Variants in TRPC4AP observed in about 807,000 individuals in gnomAD.
The protein encoded by TRPC4AP is short transient receptor potential channel 4-associated protein.
Under a neutral mutation model 99.0 loss-of-function variants are expected in TRPC4AP, and 45 were observed. The observed-to-expected ratio is 0.45, with a 90% confidence interval of 0.36 to 0.58. TRPC4AP has a LOEUF of 0.58. Ranked by LOEUF, TRPC4AP falls within the 20% of genes least tolerant of loss-of-function variation. The pLI is 0.00. For missense variants in TRPC4AP, 879 were observed against 985.3 expected (o/e 0.89, Z 1.44); for synonymous variants, 408 against 385.8 (o/e 1.06, Z -0.67).
At chr20:35,039,777 T>C (rs2083406416) in intron 7 of TRPC4AP, among the ~76,000 whole-genome samples, 1 of 152,078 alleles carries the variant, frequency 6.6e-6, no homozygotes, top group Non-Finnish European at 1.5e-5. Flanking sequence ...AACCAGCTGT[T>C]CTCTTCTAAA....
chr20:35,043,956 A>T (rs2083499013), intron 7 of TRPC4AP, among the ~76,000 whole-genome samples: 1 of 152,218 alleles, frequency 6.6e-6, no homozygotes, highest in Non-Finnish European at 1.5e-5. Flanking sequence ...AATTCTGATA[A>T]AAAGTAGTTC....
At chr20:35,004,340 G>A (rs1301675322) in intron 17 of TRPC4AP, 118 bp downstream of exon 17, 4 of 825,468 alleles carry the variant, frequency 4.8e-6, no homozygotes, top group Admixed American at 4.2e-5. Flanking sequence ...GTCCTCAGAA[G>A]AGCTGGGTCT....
At chr20:35,024,628 A>T (rs894315840) in intron 8 of TRPC4AP, among the ~76,000 whole-genome samples, 1 of 152,046 alleles carries the variant, frequency 6.6e-6, no homozygotes, top group African/African-American at 2.4e-5. Context: ...GTTTGAGACC[A>T]GCTTGGGCAA....
intron 12 of TRPC4AP, 21 bp from the exon 13 acceptor site, chr20:35,008,768 TG>T (rs1237240327): frequency 6.2e-7 from 1 of 1,609,446 alleles, no homozygotes; most frequent in Non-Finnish European, 8.5e-7. Context: ...AGAGAGATAT[TG>T]GTGACAGATC....
At chr20:35,028,766 G>C (rs970400646) in intron 8 of TRPC4AP, among the ~76,000 whole-genome samples, 1 of 152,154 alleles carries the variant, frequency 6.6e-6, no homozygotes, top group Non-Finnish European at 1.5e-5. Flanking sequence ...AAAGTAGTAT[G>C]TTAAGGTCTC....
chr20:35,056,559 T>C lies in TRPC4AP; in HGVS notation c.472+955A>G, dbSNP rs528838569. Among the ~76,000 whole-genome samples, 4 of 152,122 alleles carry C rather than the reference T, an allele frequency of 2.6e-5. No homozygotes were observed. In the East Asian group the frequency reaches 5.8e-4, roughly 22 times the overall value. On this transcript the variant is annotated intron_variant, in intron 4 of 18. Transcript: ENST00000252015. ...TGAGGCCTTATACAGTATGTCGTAT[T>C]GGGGTAAAAAAAAAATCTTTTAAAT... is the stretch of plus-strand genomic sequence containing the variant.
intron 8 of TRPC4AP, among the ~76,000 whole-genome samples, chr20:35,033,746 C>T (rs559773065): frequency 6.6e-6 from 1 of 152,074 alleles, no homozygotes; most frequent in Non-Finnish European, 1.5e-5. Flanking sequence ...AAACCTGGCA[C>T]TCTGGGAGGC....
At chr20:35,088,809 T>C (rs966097919) in intron 1 of TRPC4AP, among the ~76,000 whole-genome samples, 4 of 152,142 alleles carry the variant, frequency 2.6e-5, no homozygotes, top group Non-Finnish European at 5.9e-5. Context: ...CTTGAGGACA[T>C]TATGTTAAGT....
intron 7 of TRPC4AP, among the ~76,000 whole-genome samples, chr20:35,040,591 G>A (rs940968550): frequency 2.0e-5 from 3 of 152,034 alleles, no homozygotes; most frequent in Admixed American, 2.0e-4. Flanking sequence ...GCTTGCAGAC[G>A]GCTTATCTTT....
chr20:35,022,867 T>A (rs2082927470), intron 8 of TRPC4AP, among the ~76,000 whole-genome samples: 2 of 151,776 alleles, frequency 1.3e-5, no homozygotes, highest in South Asian at 4.2e-4. Context: ...TAAAAAAATT[T>A]AAAAAATTAG....
At chr20:35,091,553 G>A (rs1221684760) in intron 1 of TRPC4AP, among the ~76,000 whole-genome samples, 4 of 152,002 alleles carry the variant, frequency 2.6e-5, no homozygotes, top group Admixed American at 2.6e-4. Context: ...TCAGTTTCTT[G>A]AGTATCCTTC....
chr20:35,044,252 G>A (rs1251384903), intron 7 of TRPC4AP, among the ~76,000 whole-genome samples: 1 of 151,718 alleles, frequency 6.6e-6, no homozygotes, highest in Non-Finnish European at 1.5e-5. Flanking sequence ...TTAGCCCGGT[G>A]TGGTGGCACC....
Position 35,019,059 on chromosome 20 carries a change from A to G in TRPC4AP, c.1218+2131T>C, listed in dbSNP as rs561027232. ...GAGCCTTTCCAGTCCTGAGATTTCAATTTGGCCAAGATTGGTCTGAGAACT... is the reference window on the plus strand; with the variant it reads ...GAGCCTTTCCAGTCCTGAGATTTCAGTTTGGCCAAGATTGGTCTGAGAACT... On this transcript the variant is annotated intron_variant, in intron 9 of 18. Coordinates refer to ENST00000252015, the MANE Select transcript of TRPC4AP (RefSeq NM_015638.3). Among the ~76,000 whole-genome samples the G allele has an allele frequency of 2.1e-4, 32 of 152,340 alleles. No homozygotes were observed. In the South Asian group the frequency reaches 6.2e-3, roughly 30 times the overall value.
At chr20:35,016,628 A>G (rs900389794) in intron 9 of TRPC4AP, among the ~76,000 whole-genome samples, 2 of 152,218 alleles carry the variant, frequency 1.3e-5, no homozygotes, top group South Asian at 4.1e-4. Context: ...AAATCTCTGC[A>G]AAGAAAAAAA....
intron 10 of TRPC4AP, among the ~76,000 whole-genome samples, chr20:35,015,451 C>T (rs931585757): frequency 5.3e-4 from 76 of 143,622 alleles, no homozygotes; most frequent in African/African-American, 1.9e-3. Flanking sequence ...TAGAGGGCCT[C>T]AGGCAGGAAC....
chr20:35,003,256 T>G lies in TRPC4AP; in HGVS notation c.2284A>C (p.Lys762Gln), dbSNP rs769338101. The G allele has an allele frequency of 6.2e-7, 1 of 1,614,074 alleles. No individual in the cohort carries two copies. The highest frequency in any genetic ancestry group is 8.5e-7 in the Non-Finnish European group (1 of 1,179,988). The part of the protein sequence containing the change: ...NSSCISFSYW[K>Q]ETVSILLNPD... Reference sequence around the variant, plus strand: ...TTCAACAGGATGGACACTGTCTCCTTCCAGTATGAGAAGCTGATGCAGGAG... The same window carrying G: ...TTCAACAGGATGGACACTGTCTCCTGCCAGTATGAGAAGCTGATGCAGGAG... Residue 762 changes from lysine (K) to glutamine (Q), a missense_variant, in exon 19 of 19, where the codon AAG becomes CAG. By Grantham distance (53) the Lys-to-Gln change is moderately conservative. Around this residue, in one of 3 missense-constraint regions of TRPC4AP, gnomAD observed 224 missense variants for 264.7 expected, o/e 0.85. Coordinates refer to ENST00000252015, the MANE Select transcript of TRPC4AP (RefSeq NM_015638.3).
At chr20:35,059,272 A>G (rs1450836306) in intron 3 of TRPC4AP, among the ~76,000 whole-genome samples, 2 of 152,168 alleles carry the variant, frequency 1.3e-5, no homozygotes, top group East Asian at 1.9e-4. Flanking sequence ...AGTGATTATA[A>G]GGAACTACTA....
intron 8 of TRPC4AP, among the ~76,000 whole-genome samples, chr20:35,024,631 T>C (rs781624335): frequency 2.0e-5 from 3 of 151,878 alleles, no homozygotes; most frequent in Non-Finnish European, 2.9e-5. Context: ...TGAGACCAGC[T>C]TGGGCAACAC....
intron 1 of TRPC4AP, among the ~76,000 whole-genome samples, chr20:35,086,537 G>GTATCTATATA (rs1289641922): frequency 1.5e-5 from 1 of 65,038 alleles, no homozygotes; most frequent in Non-Finnish European, 2.7e-5. Context: ...GTGTGTGTGT[G>GTATCTATATA]TGTGTGTGTG....
Sources: allele counts gnomAD v4.1 joint callset (sites outside exome capture counted in the v4.1 genomes callset), GRCh38; gene constraint gnomAD v4.1.1; regional missense constraint gnomAD v4.1.1; transcripts MANE v1.5; gene names NCBI Gene and HGNC (gene_info 2026-07-23, HGNC 2026-07-21).